GRB10: variants seen among roughly 807,000 people sequenced by gnomAD.
GRB10 encodes growth factor receptor-bound protein 10.
GRB10 carries 20 observed loss-of-function variants against 80.9 expected under a neutral mutation model. The ratio of observed to expected loss-of-function variants is 0.25; its 90% CI spans 0.17 to 0.36. The LOEUF (loss-of-function observed/expected upper bound fraction) is 0.36. Ranked by LOEUF, GRB10 falls within the 10% of genes least tolerant of loss-of-function variation. The pLI, the probability that GRB10 is intolerant of heterozygous loss-of-function variation, is 1.00. For synonymous variants in GRB10, 291 were observed against 291.5 expected (o/e 1.00, Z 0.02); for missense variants, 548 against 747.7 (o/e 0.73, Z 3.12).
intron 5 of GRB10, among the ~76,000 whole-genome samples, chr7:50,686,709 T>C (rs2062143715): frequency 6.6e-6 from 1 of 152,168 alleles, no homozygotes; most frequent in Non-Finnish European, 1.5e-5. Flanking sequence ...CCAGATACTA[T>C]GCCAGGCAAT....
intron 15 of GRB10, 175 bp downstream of exon 15, chr7:50,605,115 G>A (rs925640054): frequency 2.2e-5 from 14 of 633,924 alleles, no homozygotes; most frequent in Non-Finnish European, 3.6e-5. Flanking sequence ...CTGGGTGCTG[G>A]GAACATGGAA....
chr7:50,748,102 A>G (rs193206413), intron 3 of GRB10, among the ~76,000 whole-genome samples: 1 of 152,310 alleles, frequency 6.6e-6, no homozygotes, highest in African/African-American at 2.4e-5. Context: ...TGCTGGTGAC[A>G]CTGTTATTTC....
chr7:50,665,958 T>C (rs1196314460), intron 7 of GRB10, among the ~76,000 whole-genome samples: 5 of 152,070 alleles, frequency 3.3e-5, no homozygotes, highest in Non-Finnish European at 7.4e-5. Flanking sequence ...TGGGTACCCT[T>C]AGCAAACTCA....
chr7:50,596,691 G>T (rs1212081671), intron 17 of GRB10, among the ~76,000 whole-genome samples: 1 of 152,162 alleles, frequency 6.6e-6, no homozygotes, highest in Non-Finnish European at 1.5e-5. Flanking sequence ...GGGACATCAT[G>T]CCACAACTTA....
chr7:50,649,481 C>G (rs111389132), intron 7 of GRB10, among the ~76,000 whole-genome samples: 4 of 152,288 alleles, frequency 2.6e-5, no homozygotes, highest in African/African-American at 9.6e-5. Context: ...AAGGCCAGGG[C>G]AGCTAGAACA....
chr7:50,759,639 GACTGA>G (rs2075526129), intron 2 of GRB10, among the ~76,000 whole-genome samples: 1 of 152,074 alleles, frequency 6.6e-6, no homozygotes, highest in African/African-American at 2.4e-5. Context: ...TTTATGGGGG[GACTGA>G]ATATTTTTAT....
At chr7:50,731,607 G>GA (rs2069741913) in intron 4 of GRB10, among the ~76,000 whole-genome samples, 2 of 152,302 alleles carry the variant, frequency 1.3e-5, no homozygotes, top group East Asian at 1.9e-4. Flanking sequence ...CCCTAACAAT[G>GA]AATCTGTCTA....
intron 2 of GRB10, among the ~76,000 whole-genome samples, chr7:50,774,008 G>T (rs1222825008): frequency 6.6e-6 from 1 of 152,096 alleles, no homozygotes; most frequent in African/African-American, 2.4e-5. Context: ...CACATACAAG[G>T]GAATATTATT....
intron 2 of GRB10, among the ~76,000 whole-genome samples, chr7:50,771,268 T>G (rs2076951596): frequency 6.6e-6 from 1 of 152,136 alleles, no homozygotes; most frequent in Non-Finnish European, 1.5e-5. Context: ...GACATTCCAT[T>G]CCGGTCCACT....
intron 4 of GRB10, chr7:50,729,522 TAAC>T (rs1455742002): frequency 6.6e-6 from 1 of 152,202 alleles, no homozygotes; most frequent in Non-Finnish European, 1.5e-5. Context: ...TGGAGAATGA[TAAC>T]ACAGTGTCCA....
At chr7:50,604,761 C>T (rs2048232142) in intron 15 of GRB10, 1 of 347,514 alleles carries the variant, frequency 2.9e-6, no homozygotes, top group Non-Finnish European at 5.5e-6. Context: ...TTTTCCCATC[C>T]CCTGAGGCTG....
chr7:50,650,978 A>T (rs564831204), intron 7 of GRB10, among the ~76,000 whole-genome samples: 50 of 152,318 alleles, frequency 3.3e-4, no homozygotes, highest in Non-Finnish European at 5.4e-4. Context: ...ACAGTTTAAC[A>T]TTTGATTTAC....
At chr7:50,604,772 A>G (rs1349031459) in intron 15 of GRB10, 4 of 342,548 alleles carry the variant, frequency 1.2e-5, no homozygotes, top group Non-Finnish European at 1.7e-5. Context: ...CCTGAGGCTG[A>G]AGTACAGAAA....
intron 5 of GRB10, 108 bp downstream of exon 5, chr7:50,703,713 T>C: frequency 1.3e-6 from 1 of 785,380 alleles, no homozygotes; most frequent in South Asian, 1.4e-5. Context: ...AGAACCAATG[T>C]TAGAATTGTA....
intron 6 of GRB10, among the ~76,000 whole-genome samples, chr7:50,674,096 T>C (rs1178958965): frequency 6.6e-6 from 1 of 152,182 alleles, no homozygotes; most frequent in African/African-American, 2.4e-5. Context: ...AGTGAGGACT[T>C]GGGGCATGCA....
intron 5 of GRB10, among the ~76,000 whole-genome samples, chr7:50,685,547 G>C (rs568800379): frequency 1.5e-3 from 221 of 152,286 alleles, no homozygotes; most frequent in African/African-American, 4.9e-3. Context: ...GAAGTCAAGG[G>C]AAGTGCAGAG....
intron 7 of GRB10, among the ~76,000 whole-genome samples, chr7:50,627,985 C>T (rs1294510977): frequency 6.6e-6 from 1 of 152,194 alleles, no homozygotes. Flanking sequence ...GGAGTGAATC[C>T]AGCCACAGTG....
intron 7 of GRB10, among the ~76,000 whole-genome samples, chr7:50,632,388 C>T (rs780241727): frequency 3.3e-5 from 5 of 152,190 alleles, no homozygotes; most frequent in Admixed American, 1.3e-4. Context: ...GAGGCTTGAC[C>T]CTGAGGCCTG....
rs2078370916 is a variant in GRB10, at chr7:50,782,303, G to A, written c.-327+121C>T. 6.6e-6 allele frequency: 1 copy of A among 150,606 alleles called. No homozygotes were observed. The highest frequency in any genetic ancestry group is 6.6e-5 in the Admixed American group (1 of 15,122). The allele number at this position is 150,606 out of a possible 1,614,324, so 9.3% of individuals were successfully genotyped here. A position where few individuals can be genotyped will look rare whatever the true frequency, so the allele number is the denominator to read the frequency against. ...CAAGACCTCCCCGCCTCCCTCCCGG[G>A]CCCTGTCCGCCGCGGCCGGGGCCTC... On this transcript the variant is annotated intron_variant, in intron 1 of 18. Coordinates refer to ENST00000401949, the MANE Select transcript of GRB10 (RefSeq NM_001350814.2). This position sits in a 1 kb window ranked among gnomAD's most constrained non-coding sequence, Gnocchi z 6.6.
Sources: gnomAD v4.1 joint callset for allele counts (sites outside exome capture counted in the v4.1 genomes callset) on GRCh38, gnomAD v4.1.1 for gene constraint, Gnocchi (gnomAD v3.1) non-coding constraint, MANE v1.5 for transcripts, NCBI Gene and HGNC (gene_info 2026-07-23, HGNC 2026-07-21) for gene names.